Variants in ABCG1 observed in about 807,000 individuals in gnomAD.
The protein encoded by ABCG1 is ATP binding cassette subfamily G member 1, also known as ATP-binding cassette sub-family G member 1.
Under a neutral mutation model 69.2 loss-of-function variants are expected in ABCG1, and 29 were observed. That is an observed-to-expected ratio of 0.42 (90% CI 0.31 to 0.57). ABCG1 has a LOEUF of 0.57. ABCG1 is among the 20% of genes least tolerant of loss of function. The pLI is 0.15. For missense variants in ABCG1, 718 were observed against 898.1 expected (o/e 0.80, Z 2.56); for synonymous variants, 370 against 374.8 (o/e 0.99, Z 0.15).
chr21:42,233,348 C>T (rs1008671623), intron 2 of ABCG1, among the ~76,000 whole-genome samples: 1 of 152,184 alleles, frequency 6.6e-6, no homozygotes, highest in African/African-American at 2.4e-5. Flanking sequence ...CCGTAGCCCG[C>T]CCTCCTGCCC....
At chr21:42,254,669 TA>T (rs1052817050) in intron 2 of ABCG1, among the ~76,000 whole-genome samples, 8 of 152,188 alleles carry the variant, frequency 5.3e-5, no homozygotes, top group African/African-American at 1.7e-4. Flanking sequence ...CCTTAGGCAT[TA>T]GGGGGAAGAA....
At chr21:42,255,529 C>G (rs1320633606) in intron 2 of ABCG1, among the ~76,000 whole-genome samples, 1 of 152,174 alleles carries the variant, frequency 6.6e-6, no homozygotes, top group Non-Finnish European at 1.5e-5. Flanking sequence ...TGTGTGCACA[C>G]TGTGTGTACA....
At position 42,219,597 on chromosome 21, in the gene ABCG1, G is replaced by A. The variant is rs1021329347; in HGVS notation, c.42+293G>A. On this transcript the variant is annotated intron_variant, in intron 1 of 14. Coordinates refer to ENST00000398449, the MANE Select transcript of ABCG1 (RefSeq NM_016818.3). This position sits in a 1 kb window ranked among gnomAD's most constrained non-coding sequence, Gnocchi z 5.3. The stretch of plus-strand genomic sequence containing the variant: ...CCCTACAAGTTGGACCGATGGCCTT[G>A]ACCTGATGGCTTCTGGGCGGGGGGC... Among the ~76,000 whole-genome samples, 5 of 151,980 alleles carry A rather than the reference G, an allele frequency of 3.3e-5. No homozygotes were observed. Among genetic ancestry groups the A allele is most frequent in the African/African-American group, 4.8e-5 (2 of 41,442 alleles).
upstream of ABCG1, among the ~76,000 whole-genome samples, chr21:42,215,232 C>T (rs1433023383): frequency 6.6e-6 from 1 of 152,198 alleles, no homozygotes; most frequent in Non-Finnish European, 1.5e-5. Flanking sequence ...GACAAGGGGT[C>T]ACCCCACCAC....
chr21:42,253,037 C>A (rs371756062), intron 2 of ABCG1, among the ~76,000 whole-genome samples: 1 of 152,100 alleles, frequency 6.6e-6, no homozygotes. Flanking sequence ...GCCTGGATGC[C>A]GCATTAGCAC....
chr21:42,290,890 C>T (rs557187734), intron 11 of ABCG1, among the ~76,000 whole-genome samples: 1 of 152,192 alleles, frequency 6.6e-6, no homozygotes, highest in East Asian at 1.9e-4. Context: ...CATCCTGATT[C>T]TCCACTCAAT....
At chr21:42,278,555 C>G (rs1476499102) in intron 5 of ABCG1, among the ~76,000 whole-genome samples, 4 of 152,128 alleles carry the variant, frequency 2.6e-5, no homozygotes, top group Admixed American at 1.3e-4. Flanking sequence ...GGGATGGCCC[C>G]GTGAGGACAC....
At chr21:42,256,707 A>T (rs916220979) in intron 2 of ABCG1, 5 of 1,418,468 alleles carry the variant, frequency 3.5e-6, no homozygotes, top group Admixed American at 5.8e-5. Flanking sequence ...ATTCAGAGGG[A>T]TCTGGGAGCA....
rs1174987694 is a variant in ABCG1, at chr21:42,287,549, C to T, written c.974-340C>T. 6.6e-6 allele frequency among the ~76,000 whole-genome samples: 1 copy of T among 152,214 alleles called. No individual in the cohort carries two copies. Among genetic ancestry groups the T allele is most frequent in the Non-Finnish European group, 1.5e-5 (1 of 68,034 alleles). On this transcript the variant is annotated intron_variant, in intron 8 of 14. Coordinates refer to ENST00000398449, the MANE Select transcript of ABCG1 (RefSeq NM_016818.3). The surrounding 1 kb of genome is among the most constrained non-coding windows in gnomAD (Gnocchi z 6.2). ...CAGGGAGGAGTCCTTCGTTCTGCTC[C>T]CTTCCCAGCTCCACCTTGGAGGCTG...
chr21:42,214,699 C>A (rs989459889), upstream of ABCG1, among the ~76,000 whole-genome samples: 1 of 152,220 alleles, frequency 6.6e-6, no homozygotes, highest in African/African-American at 2.4e-5. Flanking sequence ...CTTGGGGCAG[C>A]ATCTTCTGTT....
chr21:42,252,196 A>G (rs2068233215), intron 2 of ABCG1, among the ~76,000 whole-genome samples: 1 of 152,166 alleles, frequency 6.6e-6, no homozygotes, highest in African/African-American at 2.4e-5. Context: ...AGCAATGTAA[A>G]TGTTCAGGGA....
intron 2 of ABCG1, among the ~76,000 whole-genome samples, chr21:42,206,379 T>TAAAC (rs1253507816): frequency 1.2e-4 from 17 of 147,374 alleles, no homozygotes; most frequent in African/African-American, 3.6e-4. Context: ...AATAAATAAA[T>TAAAC]AAATAAACAA....
At chr21:42,281,857 G>A (rs554946137) in intron 5 of ABCG1, among the ~76,000 whole-genome samples, 1 of 152,354 alleles carries the variant, frequency 6.6e-6, no homozygotes, top group African/African-American at 2.4e-5. Flanking sequence ...GAAACCACCA[G>A]AAATTGTGCA....
chr21:42,213,321 G>A (rs1189622705), upstream of ABCG1, among the ~76,000 whole-genome samples: 4 of 152,240 alleles, frequency 2.6e-5, no homozygotes, highest in African/African-American at 9.6e-5. Flanking sequence ...CTCCCTCAGA[G>A]GGCACAATCA....
intron 2 of ABCG1, among the ~76,000 whole-genome samples, chr21:42,241,563 C>G (rs2068051345): frequency 6.6e-6 from 1 of 151,474 alleles, no homozygotes; most frequent in South Asian, 2.1e-4. Flanking sequence ...TGAGATCGCA[C>G]CACTGCACTC....
At chr21:42,274,775 G>C (rs1383394870) in intron 4 of ABCG1, among the ~76,000 whole-genome samples, 2 of 137,718 alleles carry the variant, frequency 1.5e-5, no homozygotes, top group African/African-American at 2.8e-5. Context: ...GCCCGGCAGG[G>C]GCCATTTTTT....
intron 1 of ABCG1, among the ~76,000 whole-genome samples, chr21:42,224,689 C>T (rs1002986255): frequency 5.3e-5 from 8 of 152,140 alleles, no homozygotes; most frequent in Admixed American, 1.3e-4. Flanking sequence ...TGTTCTCTCT[C>T]GATTTGGAAG....
At chr21:42,263,555 A>G (rs1200802143) in intron 2 of ABCG1, among the ~76,000 whole-genome samples, 1 of 152,136 alleles carries the variant, frequency 6.6e-6, no homozygotes, top group Non-Finnish European at 1.5e-5. Context: ...TGTTTTCTAC[A>G]CCTCAGCGAC....
intron 4 of ABCG1, among the ~76,000 whole-genome samples, chr21:42,274,515 C>G (rs573172890): frequency 6.8e-6 from 1 of 146,250 alleles, no homozygotes; most frequent in Non-Finnish European, 1.5e-5. Context: ...CGCTCTGTCA[C>G]CGAGGCTGGA....
Sources: allele counts gnomAD v4.1 joint callset (sites outside exome capture counted in the v4.1 genomes callset), GRCh38; gene constraint gnomAD v4.1.1; non-coding constraint Gnocchi (gnomAD v3.1); transcripts MANE v1.5; gene names NCBI Gene and HGNC (gene_info 2026-07-23, HGNC 2026-07-21).